The following ZNF148 variants were observed in gnomAD, a reference collection of about 807,000 sequenced individuals.
ZNF148 encodes Beta-Enolase Repressor Factor-1.
Under a neutral mutation model 67.7 loss-of-function variants are expected in ZNF148, and 7 were observed. The ratio of observed to expected loss-of-function variants is 0.10; its 90% CI spans 0.06 to 0.19. ZNF148 has a LOEUF of 0.19. ZNF148 is among the 10% of genes least tolerant of loss of function. The pLI is 1.00. For missense variants in ZNF148, 583 were observed against 947.1 expected, an observed-to-expected ratio of 0.62 and a Z score of 5.05; for synonymous variants, 333 against 330.7, an observed-to-expected ratio of 1.01 and a Z score of -0.08.
chr3:125,247,245 T>G (rs1204067634), intron 7 of ZNF148, among the ~76,000 whole-genome samples: 2 of 152,218 alleles, frequency 1.3e-5, no homozygotes, highest in Non-Finnish European at 2.9e-5. Context: ...TCAGAAAGAT[T>G]GGCAATGTTT....
Position 125,232,290 on chromosome 3 carries a change from T to C in ZNF148, c.*51A>G. ...CCATTTACACAGAGTAACCCCACTC[T>C]TGATTAATCTGTTCTAAAGTGCCAG... On this transcript the variant is annotated 3_prime_UTR_variant, in exon 9 of 9. Coordinates refer to ENST00000360647, the MANE Select transcript of ZNF148 (RefSeq NM_021964.3). This position sits in a 1 kb window ranked among gnomAD's most constrained non-coding sequence, Gnocchi z 4.2. The C allele has an allele frequency of 6.5e-7, 1 of 1,532,922 alleles. No individual in the cohort carries two copies. The highest frequency in any genetic ancestry group is 8.7e-7 in the Non-Finnish European group (1 of 1,142,942). The allele number at this position is 1,532,922 out of a possible 1,614,324, so 95.0% of individuals were successfully genotyped here.
intron 7 of ZNF148, among the ~76,000 whole-genome samples, chr3:125,266,578 T>C (rs1242871608): frequency 6.6e-6 from 1 of 152,120 alleles, no homozygotes; most frequent in Admixed American, 6.6e-5. Context: ...AAAGCAGTGT[T>C]AAGAGGAAAG....
At position 125,313,518 on chromosome 3, in the gene ZNF148, C is replaced by T. The variant is rs775253164; in HGVS notation, c.123G>A (p.Glu41=). ...GATCTTGAAGTACTGAATCCTGTAGCTCTCCAGACACAGTAGACTGGCCAG... is the reference window on the plus strand; with the variant it reads ...GATCTTGAAGTACTGAATCCTGTAGTTCTCCAGACACAGTAGACTGGCCAG... ...GVSGQSTVSG[E]LQDSVLQDRS... Residue 41 remains glutamate, a synonymous_variant, in exon 4 of 9, where the codon GAG becomes GAA. Coordinates refer to ENST00000360647, the MANE Select transcript of ZNF148 (RefSeq NM_021964.3). The T allele has an allele frequency of 6.2e-7, 1 of 1,614,172 alleles. No homozygotes were observed. The highest frequency in any genetic ancestry group is 1.1e-5 in the South Asian group (1 of 91,088).
chr3:125,265,844 G>GT (rs1178289575), intron 7 of ZNF148, among the ~76,000 whole-genome samples: 1 of 151,964 alleles, frequency 6.6e-6, no homozygotes. Context: ...CAGTCATTTT[G>GT]TTTTTTTAAT....
intron 1 of ZNF148, among the ~76,000 whole-genome samples, chr3:125,347,156 C>T (rs919569195): frequency 2.0e-5 from 3 of 152,112 alleles, no homozygotes; most frequent in Non-Finnish European, 2.9e-5. Context: ...AAGACATGTA[C>T]ACTGAAAACT....
chr3:125,279,172 C>G lies in ZNF148; in HGVS notation c.535G>C (p.Ala179Pro). ...TGTAAGTGATAGTTCGTTCTAAAGGCAGCATTGCAGTGCTCACAAACGTGA... is the reference window on the plus strand; with the variant it reads ...TGTAAGTGATAGTTCGTTCTAAAGGGAGCATTGCAGTGCTCACAAACGTGA... Reference protein sequence around the residue: ...KSHVCEHCNAAFRTNYHLQRH... With the variant: ...KSHVCEHCNAPFRTNYHLQRH... Residue 179 changes from alanine to proline, a missense_variant, in exon 6 of 9, where the codon GCC (alanine) becomes CCC (proline). Physicochemically the swap from Ala to Pro is conservative, Grantham distance 27 (BLOSUM62 -1). This residue lies in a region of ZNF148 where 25 missense variants were observed against 142.0 expected (regional missense o/e 0.18). Coordinates refer to ENST00000360647, the MANE Select transcript of ZNF148 (RefSeq NM_021964.3). 1 of 1,608,624 alleles carries G rather than the reference C, an allele frequency of 6.2e-7. No homozygotes were observed. The highest frequency in any genetic ancestry group is 8.5e-7 in the Non-Finnish European group (1 of 1,177,434).
At chr3:125,310,866 C>T (rs1940172082) in intron 4 of ZNF148, 3 of 206,454 alleles carry the variant, frequency 1.5e-5, no homozygotes, top group African/African-American at 2.3e-5. Context: ...CTCCTCTGCT[C>T]GCATTTTCAC....
At position 125,286,650 on chromosome 3, in the gene ZNF148, A is replaced by G. The variant is rs116664862; in HGVS notation, c.459+1453T>C. Among the ~76,000 whole-genome samples, 306 of 152,312 alleles carry G rather than the reference A, an allele frequency of 2.0e-3. 1 individual carries two copies. Among genetic ancestry groups the G allele is most frequent in the African/African-American group, 7.0e-3 (292 of 41,566 alleles). The stretch of plus-strand genomic sequence containing the variant: ...TCCAATAAAACAACCATTAAATATA[A>G]CATGATCTATTAAGAAATAGATTAT... On this transcript the variant is annotated intron_variant, in intron 5 of 8. Coordinates refer to ENST00000360647, the MANE Select transcript of ZNF148 (RefSeq NM_021964.3).
chr3:125,353,537 A>G (rs920429687), intron 1 of ZNF148, among the ~76,000 whole-genome samples: 3 of 152,122 alleles, frequency 2.0e-5, no homozygotes, highest in Non-Finnish European at 1.5e-5. Flanking sequence ...ATTTATTAAG[A>G]TGTCTGGGTG....
intron 1 of ZNF148, among the ~76,000 whole-genome samples, chr3:125,343,193 C>T (rs538396651): frequency 5.9e-5 from 9 of 152,280 alleles, no homozygotes; most frequent in East Asian, 5.8e-4. Context: ...CATGCTTTTA[C>T]GTGTTTTGGT....
chr3:125,354,890 T>A (rs918537701), intron 1 of ZNF148, among the ~76,000 whole-genome samples: 1 of 152,194 alleles, frequency 6.6e-6, no homozygotes, highest in Non-Finnish European at 1.5e-5. Flanking sequence ...TGAAAGACAA[T>A]ATTTCTCACA....
intron 3 of ZNF148, among the ~76,000 whole-genome samples, chr3:125,315,993 C>A (rs1940474176): frequency 6.6e-6 from 1 of 152,082 alleles, no homozygotes; most frequent in African/African-American, 2.4e-5. Context: ...CATTAACTAT[C>A]CCCACCTTCC....
intron 1 of ZNF148, among the ~76,000 whole-genome samples, chr3:125,333,936 G>A (rs898419826): frequency 1.3e-5 from 2 of 152,132 alleles, no homozygotes; most frequent in Non-Finnish European, 2.9e-5. Flanking sequence ...GAGTTTTATT[G>A]TATCTATGCT....
intron 4 of ZNF148, among the ~76,000 whole-genome samples, chr3:125,297,166 C>G (rs948725975): frequency 1.3e-5 from 2 of 151,736 alleles, no homozygotes; most frequent in Admixed American, 6.6e-5. Context: ...CTAAGTTGTT[C>G]TAAAAACTGA....
intron 3 of ZNF148, among the ~76,000 whole-genome samples, chr3:125,316,979 T>C (rs1940527026): frequency 6.6e-6 from 1 of 152,154 alleles, no homozygotes; most frequent in Admixed American, 6.5e-5. Context: ...AGTGAGAGAC[T>C]TGGAACAGGA....
At chr3:125,268,616 T>C (rs1056410764) in intron 7 of ZNF148, among the ~76,000 whole-genome samples, 1 of 152,182 alleles carries the variant, frequency 6.6e-6, no homozygotes, top group Non-Finnish European at 1.5e-5. Flanking sequence ...GAAGAAAACC[T>C]AGGAAATACC....
intron 7 of ZNF148, among the ~76,000 whole-genome samples, chr3:125,256,777 T>C (rs1350211893): frequency 6.6e-6 from 1 of 152,186 alleles, no homozygotes; most frequent in Non-Finnish European, 1.5e-5. Flanking sequence ...GTACTACCCT[T>C]GAGAGAAGTG....
intron 4 of ZNF148, among the ~76,000 whole-genome samples, chr3:125,312,367 T>C (rs1315664114): frequency 1.3e-5 from 2 of 152,216 alleles, no homozygotes; most frequent in African/African-American, 2.4e-5. Flanking sequence ...TGAATGTATG[T>C]ATCAGAGCAC....
chr3:125,349,784 T>C (rs977336328), intron 1 of ZNF148, among the ~76,000 whole-genome samples: 7 of 152,210 alleles, frequency 4.6e-5, no homozygotes, highest in African/African-American at 1.7e-4. Flanking sequence ...GAGGTTGCAG[T>C]GAGCTATGAT....
Sources: gnomAD v4.1 joint callset for allele counts (sites outside exome capture counted in the v4.1 genomes callset) on GRCh38, gnomAD v4.1.1 for gene constraint, gnomAD v4.1.1 regional missense constraint, Gnocchi (gnomAD v3.1) non-coding constraint, MANE v1.5 for transcripts, NCBI Gene and HGNC (gene_info 2026-07-23, HGNC 2026-07-21) for gene names.